GLDC: variants seen among roughly 807,000 people sequenced by gnomAD.
GLDC encodes glycine dehydrogenase (decarboxylating), mitochondrial.
GLDC carries 104 observed loss-of-function variants against 121.3 expected under a neutral mutation model. That is an observed-to-expected ratio of 0.86 (90% confidence interval 0.73 to 1.01). The LOEUF (loss-of-function observed/expected upper bound fraction) is 1.01, where lower values mean the gene tolerates loss of function less well. GLDC is among the 50% of genes least tolerant of loss of function. GLDC has a pLI of 0.00. For synonymous variants in GLDC, 546 were observed against 480.6 expected (o/e 1.14, Z -1.78); for missense variants, 1,429 against 1,306.6 (o/e 1.09, Z -1.44).
At chr9:6,545,804 C>G (rs1817375340) in intron 21 of GLDC, among the ~76,000 whole-genome samples, 1 of 152,022 alleles carries the variant, frequency 6.6e-6, no homozygotes. Flanking sequence ...CCATGCCTGG[C>G]TAATTTTTGT....
At position 6,547,937 on chromosome 9, in the gene GLDC, C is replaced by T. The variant is rs1348365822; in HGVS notation, c.2569+2866G>A. Among the ~76,000 whole-genome samples the T allele has an allele frequency of 3.3e-5, 5 of 152,230 alleles. No homozygotes were observed. The East Asian group carries it at 7.7e-4, about 23-fold the overall frequency. ...TAGAGCAGAGGAGTTCAAGACCAAC[C>T]TGGGCAACAGAGCAAGACCCCGTCT... On this transcript the variant is annotated intron_variant, in intron 21 of 24. Transcript: ENST00000321612.
intron 2 of GLDC, among the ~76,000 whole-genome samples, chr9:6,629,922 CTTT>C (rs1213535440): frequency 4.2e-5 from 4 of 94,668 alleles, no homozygotes; most frequent in Non-Finnish European, 7.7e-5. Context: ...GGGAGGCTTG[CTTT>C]TCACTATATA....
At chr9:6,631,712 G>C (rs1819382928) in intron 2 of GLDC, among the ~76,000 whole-genome samples, 1 of 152,186 alleles carries the variant, frequency 6.6e-6, no homozygotes, top group African/African-American at 2.4e-5. Context: ...GGAAGACTGT[G>C]TCCTAAGAGT....
Position 6,619,145 on chromosome 9 carries a change from G to GAAAAA in GLDC, c.470+1038_470+1039insTTTTT, listed in dbSNP as rs1563864174. 7.1e-3 allele frequency among the ~76,000 whole-genome samples: 213 copies of GAAAAA among 30,184 alleles called. 9 individuals are homozygous for GAAAAA. The highest frequency in any genetic ancestry group is 0.031 in the African/African-American group (202 of 6,562). 19.8% of individuals were successfully genotyped at this position (30,184 alleles called of 152,430 possible). A position where few individuals can be genotyped will look rare whatever the true frequency, so the allele number is the denominator to read the frequency against. Reference sequence around the variant, plus strand: ...GCAACAGAGTGAGACTCTGTCTCAGGCAAAAAAAAAAAAAAAAAAAAAAAA... The same window carrying GAAAAA: ...GCAACAGAGTGAGACTCTGTCTCAGGAAAAACAAAAAAAAAAAAAAAAAAAAAAAA... On this transcript the variant is annotated intron_variant, in intron 3 of 24. Coordinates refer to ENST00000321612, the MANE Select transcript of GLDC (RefSeq NM_000170.3).
At chr9:6,579,085 T>A (rs1197621466) in intron 15 of GLDC, among the ~76,000 whole-genome samples, 1 of 152,206 alleles carries the variant, frequency 6.6e-6, no homozygotes, top group East Asian at 1.9e-4. Context: ...TCCTTTATAA[T>A]TCTTTGGATC....
chr9:6,607,635 T>A (rs952574898), intron 4 of GLDC, among the ~76,000 whole-genome samples: 10 of 151,948 alleles, frequency 6.6e-5, no homozygotes. Flanking sequence ...TTTATTTATT[T>A]ATTTTTATTT....
At chr9:6,607,537 G>T (rs933622058) in intron 4 of GLDC, among the ~76,000 whole-genome samples, 2 of 152,050 alleles carry the variant, frequency 1.3e-5, no homozygotes, top group Non-Finnish European at 2.9e-5. Flanking sequence ...AGCCAAGATC[G>T]CCTCACTGCA....
In GLDC at chr9:6,534,774, G is replaced by A. The variant is rs1365662392; in HGVS notation, c.2853C>T (p.Ser951=). 7 of 1,598,638 alleles carry A rather than the reference G, an allele frequency of 4.4e-6. No homozygotes were observed. The highest frequency in any genetic ancestry group is 1.1e-5 in the South Asian group (1 of 90,728). Residue 951 remains serine, a synonymous_variant, in exon 24 of 25, where the codon TCC becomes TCT. Coordinates refer to ENST00000321612, the MANE Select transcript of GLDC (RefSeq NM_000170.3). The part of the protein sequence containing the change: ...RVNPLKMSPH[S]LTCVTSSHWD... ...AGTGGGAAGATGTAACGCAGGTCAGGGAGTGTGGAGACATCTGAGACAGAG... is the reference window on the plus strand; with the variant it reads ...AGTGGGAAGATGTAACGCAGGTCAGAGAGTGTGGAGACATCTGAGACAGAG...
At chr9:6,589,382 C>A in intron 11 of GLDC, 90 bp from the exon 12 acceptor site, 1 of 751,272 alleles carries the variant, frequency 1.3e-6, no homozygotes. Flanking sequence ...GGCCACAAAG[C>A]ACTCAAAATG....
intron 2 of GLDC, among the ~76,000 whole-genome samples, chr9:6,636,379 A>G (rs918240517): frequency 3.3e-5 from 5 of 152,092 alleles, no homozygotes; most frequent in East Asian, 1.9e-4. Context: ...CTGGTAGGCA[A>G]TGCTGATAAT....
intron 15 of GLDC, among the ~76,000 whole-genome samples, chr9:6,568,190 TTCTCTC>T (rs145587460): frequency 1.3e-5 from 2 of 149,510 alleles, no homozygotes; most frequent in African/African-American, 2.4e-5. Flanking sequence ...AATGCTGGAT[TTCTCTC>T]TCTCTCTCTC....
chr9:6,567,681 A>G (rs1423024730), intron 15 of GLDC, among the ~76,000 whole-genome samples: 1 of 152,260 alleles, frequency 6.6e-6, no homozygotes, highest in Admixed American at 6.5e-5. Flanking sequence ...TAGATTGATT[A>G]AAGAAATAAT....
chr9:6,554,969 G>A, intron 18 of GLDC, 188 bp from the exon 19 acceptor site: 1 of 654,676 alleles, frequency 1.5e-6, no homozygotes, highest in East Asian at 2.7e-5. Flanking sequence ...CATCCGATAG[G>A]CAGAGTGCTT....
chr9:6,540,973 A>G (rs776585394), intron 21 of GLDC: 1 of 152,246 alleles, frequency 6.6e-6, no homozygotes, highest in African/African-American at 2.4e-5. Flanking sequence ...CCAGGGCAAC[A>G]TGGCCAAACC....
At chr9:6,634,356 C>G (rs565295555) in intron 2 of GLDC, among the ~76,000 whole-genome samples, 322 of 152,074 alleles carry the variant, frequency 2.1e-3, no homozygotes, top group Non-Finnish European at 3.5e-3. Context: ...TGGCGAAACT[C>G]CATCTCTACA....
chr9:6,553,253 C>T (rs1302804862), intron 20 of GLDC, 115 bp downstream of exon 20: 13 of 922,504 alleles, frequency 1.4e-5, no homozygotes, highest in Non-Finnish European at 1.9e-5. Flanking sequence ...CTTTGAACCA[C>T]ATCTCAGATC....
intron 2 of GLDC, among the ~76,000 whole-genome samples, chr9:6,638,908 C>A (rs1194018521): frequency 6.6e-6 from 1 of 151,874 alleles, no homozygotes; most frequent in African/African-American, 2.4e-5. Context: ...ACTCGGGAGG[C>A]TCAGGCAGGA....
intron 11 of GLDC, 73 bp downstream of exon 11, chr9:6,592,070 C>T: frequency 1.1e-6 from 1 of 917,438 alleles, no homozygotes; most frequent in Non-Finnish European, 1.8e-6. Context: ...CTCCCTCACA[C>T]TCAGGGGATA....
At chr9:6,641,449 C>A (rs1201823363) in intron 2 of GLDC, among the ~76,000 whole-genome samples, 1 of 152,176 alleles carries the variant, frequency 6.6e-6, no homozygotes, top group African/African-American at 2.4e-5. Flanking sequence ...CAGAAGTTTT[C>A]CACTTTGTAC....
Sources: gnomAD v4.1 joint callset for allele counts (sites outside exome capture counted in the v4.1 genomes callset) on GRCh38, gnomAD v4.1.1 for gene constraint, MANE v1.5 for transcripts, NCBI Gene and HGNC (gene_info 2026-07-23, HGNC 2026-07-21) for gene names.